The following LRRTM4 variants were observed in gnomAD, a reference collection of about 807,000 sequenced individuals.
LRRTM4 encodes the protein leucine-rich repeat transmembrane neuronal protein 4.
In LRRTM4, 25 loss-of-function variants were observed where a neutral mutation model predicts 47.6. The ratio of observed to expected loss-of-function variants is 0.53; its 90% CI spans 0.38 to 0.73. LRRTM4 has a LOEUF of 0.73. Ranked by LOEUF, LRRTM4 falls within the 30% of genes least tolerant of loss-of-function variation. LRRTM4 has a pLI of 0.00. For synonymous variants in LRRTM4, 311 were observed against 269.5 expected, an observed-to-expected ratio of 1.15 and a Z score of -1.51; for missense variants, 638 against 713.4, an observed-to-expected ratio of 0.89 and a Z score of 1.20.
In LRRTM4 at chr2:77,199,204, G is replaced by A. The variant is rs371664918; in HGVS notation, c.1551+319114C>T. Among the ~76,000 whole-genome samples the A allele has an allele frequency of 7.9e-5, 12 of 152,112 alleles. No individual in the cohort carries two copies. The East Asian group carries it at 2.1e-3, about 27-fold the overall frequency. ...AACACAGACTTCAATCTTAATAACA[G>A]TATTTAAAAAAGAAAAAGGAACCAA... On this transcript the variant is annotated intron_variant, in intron 3 of 3. Transcript: ENST00000409884.
intron 3 of LRRTM4, among the ~76,000 whole-genome samples, chr2:76,958,149 T>C (rs1443781333): frequency 6.6e-6 from 1 of 151,770 alleles, no homozygotes; most frequent in African/African-American, 2.4e-5. Context: ...TCCCTTAGTT[T>C]GACATCAAAT....
chr2:76,967,915 TTG>T (rs1196381951), intron 3 of LRRTM4, among the ~76,000 whole-genome samples: 1,841 of 151,746 alleles, frequency 0.012, 35 homozygotes, highest in African/African-American at 0.042. Flanking sequence ...TATGTCTTAC[TTG>T]TGCCTCTGTT....
chr2:77,420,316 T>A (rs1360210626), intron 3 of LRRTM4, among the ~76,000 whole-genome samples: 1 of 152,156 alleles, frequency 6.6e-6, no homozygotes, highest in African/African-American at 2.4e-5. Context: ...CTTTTGGTAA[T>A]GTAACCTAGG....
At chr2:77,385,662 ATAAG>A (rs1429286982) in intron 3 of LRRTM4, among the ~76,000 whole-genome samples, 1 of 151,808 alleles carries the variant, frequency 6.6e-6, no homozygotes, top group Non-Finnish European at 1.5e-5. Context: ...ACCTGTTGTA[ATAAG>A]TAGACTGTAT....
intron 3 of LRRTM4, among the ~76,000 whole-genome samples, chr2:76,929,022 A>T (rs1300093637): frequency 2.6e-5 from 4 of 152,150 alleles, no homozygotes; most frequent in African/African-American, 7.2e-5. Context: ...AGGTGAGCAG[A>T]TGACTAAAAC....
intron 3 of LRRTM4, among the ~76,000 whole-genome samples, chr2:77,038,186 C>G (rs1475246288): frequency 1.3e-5 from 2 of 151,508 alleles, no homozygotes; most frequent in African/African-American, 4.8e-5. Flanking sequence ...ATTCAACATC[C>G]TTACTATGGT....
At chr2:76,852,493 A>G (rs1019168417) in intron 3 of LRRTM4, among the ~76,000 whole-genome samples, 2 of 152,194 alleles carry the variant, frequency 1.3e-5, no homozygotes, top group Non-Finnish European at 2.9e-5. Context: ...ACTTTTCTGA[A>G]TAGTTTAGTG....
At chr2:76,902,946 T>C (rs1412202183) in intron 3 of LRRTM4, among the ~76,000 whole-genome samples, 2 of 152,246 alleles carry the variant, frequency 1.3e-5, no homozygotes, top group Admixed American at 1.3e-4. Flanking sequence ...AGTAACTTTT[T>C]ATATAATAAA....
intron 3 of LRRTM4, among the ~76,000 whole-genome samples, chr2:77,251,944 T>A (rs1426485427): frequency 1.3e-5 from 2 of 152,178 alleles, no homozygotes; most frequent in Non-Finnish European, 2.9e-5. Flanking sequence ...ATAAGCCTAC[T>A]AAATGGGAGC....
At chr2:77,198,761 C>T (rs1386417614) in intron 3 of LRRTM4, among the ~76,000 whole-genome samples, 1 of 152,166 alleles carries the variant, frequency 6.6e-6, no homozygotes, top group African/African-American at 2.4e-5. Flanking sequence ...ACAAATTTAC[C>T]TCCTCTACAG....
At chr2:76,761,537 C>A (rs753757175) in intron 3 of LRRTM4, among the ~76,000 whole-genome samples, 2 of 152,138 alleles carry the variant, frequency 1.3e-5, no homozygotes, top group Non-Finnish European at 2.9e-5. Flanking sequence ...TGGCAAAGTG[C>A]CCATAAATGT....
chr2:76,997,885 A>C (rs1677258435), intron 3 of LRRTM4, among the ~76,000 whole-genome samples: 1 of 151,890 alleles, frequency 6.6e-6, no homozygotes, highest in Non-Finnish European at 1.5e-5. Flanking sequence ...AAGAAGCATG[A>C]ACCCTATTGT....
intron 3 of LRRTM4, among the ~76,000 whole-genome samples, chr2:77,088,257 G>A (rs7603863): frequency 0.25 from 38,646 of 151,996 alleles, 5,353 homozygotes; most frequent in African/African-American, 0.38. Context: ...AAGCAATCGC[G>A]TCCCCTGTGA....
intron 3 of LRRTM4, among the ~76,000 whole-genome samples, chr2:76,812,533 A>G (rs1207574363): frequency 6.6e-6 from 1 of 152,092 alleles, no homozygotes; most frequent in African/African-American, 2.4e-5. Flanking sequence ...TTGAAATGAG[A>G]TTTAATAGGC....
intron 3 of LRRTM4, among the ~76,000 whole-genome samples, chr2:77,186,627 A>G (rs1236538797): frequency 6.6e-6 from 1 of 152,200 alleles, no homozygotes; most frequent in Admixed American, 6.6e-5. Flanking sequence ...TTAAAATGTC[A>G]TATAATGTCA....
intron 3 of LRRTM4, among the ~76,000 whole-genome samples, chr2:76,946,952 T>C (rs992864552): frequency 3.3e-5 from 5 of 151,860 alleles, no homozygotes; most frequent in African/African-American, 1.2e-4. Flanking sequence ...AAGGCCAAGT[T>C]CCTTTGTTTG....
At chr2:77,314,627 A>G (rs1160224067) in intron 3 of LRRTM4, among the ~76,000 whole-genome samples, 1 of 152,140 alleles carries the variant, frequency 6.6e-6, no homozygotes, top group Non-Finnish European at 1.5e-5. Context: ...CTGTGATTAA[A>G]TTTTCCTATC....
intron 3 of LRRTM4, among the ~76,000 whole-genome samples, chr2:77,146,437 G>C (rs1672263947): frequency 6.6e-6 from 1 of 151,916 alleles, no homozygotes; most frequent in Admixed American, 6.6e-5. Flanking sequence ...GGTTCATTCT[G>C]TTTTAACTTT....
At chr2:76,902,190 T>A (rs902472502) in intron 3 of LRRTM4, among the ~76,000 whole-genome samples, 3 of 152,142 alleles carry the variant, frequency 2.0e-5, no homozygotes, top group East Asian at 3.9e-4. Context: ...CATCTCCAAG[T>A]CTTTGTGAAA....
Sources: allele counts gnomAD v4.1 joint callset (sites outside exome capture counted in the v4.1 genomes callset), GRCh38; gene constraint gnomAD v4.1.1; transcripts MANE v1.5; gene names NCBI Gene and HGNC (gene_info 2026-07-23, HGNC 2026-07-21).